MECOM: variants seen among roughly 807,000 people sequenced by gnomAD.
MECOM encodes histone-lysine N-methyltransferase MECOM.
In MECOM, 13 loss-of-function variants were observed where a neutral mutation model predicts 116.3. That is an observed-to-expected ratio of 0.11 (90% CI 0.07 to 0.18). The LOEUF is 0.18. MECOM is among the 10% of genes least tolerant of loss of function. MECOM has a pLI of 1.00. For synonymous variants in MECOM, 528 were observed against 535.2 expected, an observed-to-expected ratio of 0.99 and a Z score of 0.19; for missense variants, 1,299 against 1,509.0, an observed-to-expected ratio of 0.86 and a Z score of 2.31.
At chr3:169,291,549 T>C (rs1714552803) in intron 2 of MECOM, among the ~76,000 whole-genome samples, 1 of 152,142 alleles carries the variant, frequency 6.6e-6, no homozygotes, top group African/African-American at 2.4e-5. Flanking sequence ...AGTGGGCAAA[T>C]GTCTGGTATG....
At chr3:169,415,412 C>G (rs1245412813) in intron 1 of MECOM, among the ~76,000 whole-genome samples, 19 of 152,230 alleles carry the variant, frequency 1.2e-4, no homozygotes. Flanking sequence ...AAAACTGGTA[C>G]CAGCCACTGC....
intron 2 of MECOM, among the ~76,000 whole-genome samples, chr3:169,291,174 C>T (rs1229533004): frequency 1.3e-5 from 2 of 152,114 alleles, no homozygotes; most frequent in East Asian, 3.8e-4. Context: ...ACATCATCCT[C>T]CTTATTGGAA....
chr3:169,167,792 C>T lies in MECOM; in HGVS notation c.376-23960G>A, dbSNP rs181351528. ...ACACTCACACACACACACAAACACACACACACAGCTTCAAAATTGCTTTTA... is the reference window on the plus strand; with the variant it reads ...ACACTCACACACACACACAAACACATACACACAGCTTCAAAATTGCTTTTA... On this transcript the variant is annotated intron_variant, in intron 2 of 16. Transcript: ENST00000651503. Among the ~76,000 whole-genome samples the T allele has an allele frequency of 4.1e-4, 63 of 152,158 alleles. No individual in the cohort carries two copies. In the East Asian group the frequency reaches 0.011, roughly 27 times the overall value.
chr3:169,430,387 A>T (rs1214781389), intron 1 of MECOM, among the ~76,000 whole-genome samples: 1 of 152,152 alleles, frequency 6.6e-6, no homozygotes, highest in Non-Finnish European at 1.5e-5. Flanking sequence ...GTACTACATT[A>T]ATAAACATTT....
At chr3:169,646,311 G>A (rs1774175067) in intron 1 of MECOM, among the ~76,000 whole-genome samples, 1 of 128,948 alleles carries the variant, frequency 7.8e-6, no homozygotes, top group African/African-American at 2.8e-5. Context: ...CCTGTCATGG[G>A]GTGGGGGGAG....
chr3:169,411,639 A>G (rs1737572734), intron 1 of MECOM, among the ~76,000 whole-genome samples: 1 of 152,248 alleles, frequency 6.6e-6, no homozygotes, highest in African/African-American at 2.4e-5. Flanking sequence ...CAAAAGCACC[A>G]AAGAGCCCAA....
At chr3:169,440,766 T>C (rs1380178621) in intron 1 of MECOM, among the ~76,000 whole-genome samples, 1 of 152,122 alleles carries the variant, frequency 6.6e-6, no homozygotes, top group African/African-American at 2.4e-5. Flanking sequence ...ATTGGTGATG[T>C]TGGGAGGGGG....
intron 1 of MECOM, among the ~76,000 whole-genome samples, chr3:169,647,067 T>C (rs568329143): frequency 6.6e-5 from 10 of 152,358 alleles, no homozygotes; most frequent in African/African-American, 2.4e-4. Context: ...TTCCAAAATC[T>C]TATTACGTTT....
chr3:169,238,842 A>G (rs1485878648), intron 2 of MECOM, among the ~76,000 whole-genome samples: 2 of 152,142 alleles, frequency 1.3e-5, no homozygotes, highest in Non-Finnish European at 2.9e-5. Context: ...TACATCCACT[A>G]TTTAGTCAGT....
chr3:169,344,630 C>G (rs184046300), intron 2 of MECOM, among the ~76,000 whole-genome samples: 9 of 152,136 alleles, frequency 5.9e-5, no homozygotes, highest in African/African-American at 2.2e-4. Flanking sequence ...TCAAAGGAAC[C>G]TTTTATAGTT....
chr3:169,623,365 G>A (rs1241495833), intron 1 of MECOM, among the ~76,000 whole-genome samples: 2 of 152,118 alleles, frequency 1.3e-5, no homozygotes, highest in Admixed American at 1.3e-4. Context: ...ATATGATTAA[G>A]TATTATCGAA....
At chr3:169,176,325 TA>T (rs1487983264) in intron 2 of MECOM, among the ~76,000 whole-genome samples, 1 of 151,982 alleles carries the variant, frequency 6.6e-6, no homozygotes, top group Non-Finnish European at 1.5e-5. Flanking sequence ...CAACATGAAA[TA>T]TAAGAATGAG....
intron 1 of MECOM, among the ~76,000 whole-genome samples, chr3:169,593,432 TA>T (rs1226124482): frequency 2.6e-5 from 4 of 152,264 alleles, no homozygotes; most frequent in Non-Finnish European, 2.9e-5. Flanking sequence ...GAGGAACCAT[TA>T]GGGGTTCCTG....
At chr3:169,320,720 G>A (rs1032591442) in intron 2 of MECOM, among the ~76,000 whole-genome samples, 1 of 152,192 alleles carries the variant, frequency 6.6e-6, no homozygotes, top group Non-Finnish European at 1.5e-5. Flanking sequence ...TCAGTGAAAT[G>A]AAACTGTATT....
intron 1 of MECOM, among the ~76,000 whole-genome samples, chr3:169,643,498 C>A (rs747959362): frequency 3.9e-5 from 6 of 152,170 alleles, no homozygotes; most frequent in African/African-American, 1.4e-4. Context: ...CCCTACCACT[C>A]CCAGAATCCA....
chr3:169,516,581 C>T lies in MECOM; in HGVS notation c.38-135057G>A, dbSNP rs538052272. On this transcript the variant is annotated intron_variant, in intron 1 of 16. Coordinates refer to ENST00000651503, the MANE Select transcript of MECOM (RefSeq NM_004991.4). ...GTGCAAAGCGTGCATTCTCTTGACT[C>T]GGAGACTCAGGGCTGTCAAACAACT... Among the ~76,000 whole-genome samples, 17 of 152,174 alleles carry T rather than the reference C, an allele frequency of 1.1e-4. 1 individual carries two copies. Among genetic ancestry groups the T allele is most frequent in the African/African-American group, 4.1e-4 (17 of 41,530 alleles).
intron 2 of MECOM, among the ~76,000 whole-genome samples, chr3:169,180,223 G>A (rs928360715): frequency 1.3e-5 from 2 of 152,088 alleles, no homozygotes; most frequent in African/African-American, 4.8e-5. Flanking sequence ...CTATTTGTAA[G>A]GTCTTTATAA....
intron 1 of MECOM, among the ~76,000 whole-genome samples, chr3:169,403,436 T>C (rs1736192977): frequency 1.3e-5 from 2 of 152,248 alleles, no homozygotes; most frequent in Admixed American, 1.3e-4. Context: ...ACCAATAAAA[T>C]AGTGTCACAG....
chr3:169,404,983 CATTGTTCCATGATATG>C (rs925305548), intron 1 of MECOM, among the ~76,000 whole-genome samples: 25 of 152,278 alleles, frequency 1.6e-4, no homozygotes, highest in African/African-American at 5.8e-4. Context: ...CCTCCATATT[CATTGTTCCATGATATG>C]ATTTAGCCTT....
Sources: allele counts gnomAD v4.1 joint callset (sites outside exome capture counted in the v4.1 genomes callset), GRCh38; gene constraint gnomAD v4.1.1; transcripts MANE v1.5; gene names NCBI Gene and HGNC (gene_info 2026-07-23, HGNC 2026-07-21).